Variants in PHF20L1 observed in about 807,000 individuals in gnomAD.
PHF20L1 encodes the protein PHD finger protein 20 like 1.
In PHF20L1, 44 loss-of-function variants were observed where a neutral mutation model predicts 125.5. The observed-to-expected ratio is 0.35, with a 90% CI of 0.28 to 0.45. The LOEUF is 0.45. PHF20L1 is among the 20% of genes least tolerant of loss of function. The pLI, the probability that PHF20L1 is intolerant of heterozygous loss-of-function variation, is 1.00. For synonymous variants in PHF20L1, 380 were observed against 403.1 expected (o/e 0.94, Z 0.69); for missense variants, 1,012 against 1,217.2 (o/e 0.83, Z 2.51).
chr8:132,835,800 C>T (rs940157949), intron 15 of PHF20L1, among the ~76,000 whole-genome samples: 3 of 152,020 alleles, frequency 2.0e-5, no homozygotes, highest in South Asian at 4.1e-4. Context: ...TCCATGGCTG[C>T]GTTTCTCAAG....
intron 8 of PHF20L1, chr8:132,810,559 G>A (rs1011022159): frequency 6.5e-6 from 1 of 154,822 alleles, no homozygotes; most frequent in African/African-American, 2.4e-5. Context: ...CACACATAAA[G>A]CTTAGATTAA....
chr8:132,838,849 A>G (rs1396673887), intron 17 of PHF20L1, among the ~76,000 whole-genome samples: 1 of 152,168 alleles, frequency 6.6e-6, no homozygotes, highest in Non-Finnish European at 1.5e-5. Context: ...GATTTAAACC[A>G]TGCCTTCAAC....
chr8:132,805,125 A>T (rs946712560), intron 8 of PHF20L1, among the ~76,000 whole-genome samples: 3 of 151,936 alleles, frequency 2.0e-5, no homozygotes, highest in African/African-American at 7.2e-5. Context: ...GACCAGTCTT[A>T]CTTAAGGATG....
intron 20 of PHF20L1, 25 bp from the exon 21 acceptor site, chr8:132,845,756 T>A: frequency 6.5e-7 from 1 of 1,549,518 alleles, no homozygotes; most frequent in Non-Finnish European, 8.9e-7. Flanking sequence ...CAGTTTAAAT[T>A]TGTTTATCTT....
rs1223954261 is a variant in PHF20L1, at chr8:132,817,624, T to C, written c.1579+79T>C. On this transcript the variant is annotated intron_variant, in intron 12 of 20. Transcript: ENST00000395386. The stretch of plus-strand genomic sequence containing the variant: ...GTTATTAGGTATAAACATTTTGAGG[T>C]TTAACTACATTATTTTGATTCCTAT... The C allele has an allele frequency of 1.7e-5, 15 of 883,510 alleles. No individual in the cohort carries two copies. In the Admixed American group the frequency reaches 3.2e-4, roughly 19 times the overall value. The allele number at this position is 883,510 out of a possible 1,614,324, so 54.7% of individuals were successfully genotyped here.
In PHF20L1 at chr8:132,844,282, A is replaced by G; in HGVS notation, c.2875A>G (p.Thr959Ala). 6.2e-7 allele frequency: 1 copy of G among 1,612,652 alleles called. No homozygotes were observed. ...THIENVQNEV[T>A]SRMDLIEKEV... ...CATAGAAAATGTGCAGAACGAAGTT[A>G]CCAGCAGGATGGACCTAATAGAAAA... Residue 959 changes from threonine (T) to alanine (A), a missense_variant, in exon 20 of 21, where the codon ACC (threonine) becomes GCC (alanine). Coordinates refer to ENST00000395386, the MANE Select transcript of PHF20L1 (RefSeq NM_016018.5).
In PHF20L1 at chr8:132,787,779, T is replaced by A. The variant is rs78426191; in HGVS notation, c.84-6631T>A. Among the ~76,000 whole-genome samples, 1,424 of 152,236 alleles carry A rather than the reference T, an allele frequency of 9.4e-3. 27 individuals are homozygous for A. Among genetic ancestry groups the A allele is most frequent in the African/African-American group, 0.032 (1,347 of 41,538 alleles). The stretch of plus-strand genomic sequence containing the variant: ...AAAACATTTTTGAAAACTATAAAGC[T>A]TAATGTAAATTTAAAGTGCTACCAG... On this transcript the variant is annotated intron_variant, in intron 2 of 20. Transcript: ENST00000395386.
intron 2 of PHF20L1, among the ~76,000 whole-genome samples, chr8:132,792,301 T>C (rs1831816738): frequency 6.6e-6 from 1 of 152,186 alleles, no homozygotes; most frequent in Admixed American, 6.5e-5. Context: ...TTTTTCTTAA[T>C]ACTATTGACA....
At chr8:132,830,507 C>CT (rs1423934918) in intron 14 of PHF20L1, among the ~76,000 whole-genome samples, 14 of 152,198 alleles carry the variant, frequency 9.2e-5, no homozygotes, top group African/African-American at 3.1e-4. Flanking sequence ...TATAAGCTCA[C>CT]TTTTCCACTC....
chr8:132,787,374 TTCTTC>T (rs1831173518), intron 2 of PHF20L1, among the ~76,000 whole-genome samples: 1 of 152,120 alleles, frequency 6.6e-6, no homozygotes, highest in South Asian at 2.1e-4. Flanking sequence ...GCTAATTCTG[TTCTTC>T]TCTTTGTTGT....
chr8:132,776,733 A>C (rs1323339749), intron 1 of PHF20L1, among the ~76,000 whole-genome samples: 1 of 152,246 alleles, frequency 6.6e-6, no homozygotes. Context: ...ATAAAAGATG[A>C]CAAGTGTGTG....
chr8:132,799,882 A>G (rs534500902), intron 6 of PHF20L1: 1 of 152,058 alleles, frequency 6.6e-6, no homozygotes, highest in East Asian at 1.9e-4. Context: ...GCAATTTAAA[A>G]TGAAAATGCT....
chr8:132,795,556 T>A (rs1281028121), intron 4 of PHF20L1, among the ~76,000 whole-genome samples: 2 of 152,142 alleles, frequency 1.3e-5, no homozygotes, highest in Non-Finnish European at 2.9e-5. Context: ...GAATATTTTA[T>A]TCAAATTTCT....
Position 132,775,390 on chromosome 8 carries a change from G to A in PHF20L1, c.-293G>A, listed in dbSNP as rs1311291159. 5.3e-6 allele frequency: 2 copies of A among 378,772 alleles called. No homozygotes were observed. The highest frequency in any genetic ancestry group is 1.3e-4 in the South Asian group (1 of 7,824). 23.5% of individuals were successfully genotyped at this position (378,772 alleles called of 1,614,324 possible). ...TCGCCGGGGCCCGGCGTCGCGTCAGGGCTGGCCGGCGGCGGAGGCGGCGGC... is the reference window on the plus strand; with the variant it reads ...TCGCCGGGGCCCGGCGTCGCGTCAGAGCTGGCCGGCGGCGGAGGCGGCGGC... On this transcript the variant is annotated 5_prime_UTR_variant, in exon 1 of 21. Coordinates refer to ENST00000395386, the MANE Select transcript of PHF20L1 (RefSeq NM_016018.5).
At chr8:132,836,140 C>T (rs931167521) in intron 15 of PHF20L1, among the ~76,000 whole-genome samples, 18 of 152,050 alleles carry the variant, frequency 1.2e-4, no homozygotes, top group African/African-American at 3.9e-4. Flanking sequence ...CCCAGGTCCA[C>T]GGACAGTGGT....
At position 132,782,516 on chromosome 8, in the gene PHF20L1, A is replaced by G. The variant is rs887918339; in HGVS notation, c.83+4605A>G. 4.3e-4 allele frequency among the ~76,000 whole-genome samples: 65 copies of G among 152,244 alleles called. 1 individual carries two copies. The highest frequency in any genetic ancestry group is 3.4e-3 in the Middle Eastern group (1 of 294). On this transcript the variant is annotated intron_variant, in intron 2 of 20. Transcript: ENST00000395386. ...GAGTTTTTAAAGGTAGCTTTAGTTG[A>G]CAGGAGAGTGGCTTGGAATCATAGA... is the stretch of plus-strand genomic sequence containing the variant.
rs1261412853 is a variant in PHF20L1, at chr8:132,817,368, A to G, written c.1402A>G (p.Lys468Glu). 1 of 1,612,450 alleles carries G rather than the reference A, an allele frequency of 6.2e-7. No individual in the cohort carries two copies. The highest frequency in any genetic ancestry group is 8.5e-7 in the Non-Finnish European group (1 of 1,179,060). The change falls in exon 12 of 21, where the codon AAG becomes GAG. Residue 468 changes from lysine (K) to glutamate (E), a missense_variant. Lys to Glu is a moderately conservative substitution (Grantham distance 56). Coordinates refer to ENST00000395386, the MANE Select transcript of PHF20L1 (RefSeq NM_016018.5). ...TGATGTTGCACATTTGCCACTTGAGAAGCTGGGACCCTGTCTCCCTCTTGA... is the reference window on the plus strand; with the variant it reads ...TGATGTTGCACATTTGCCACTTGAGGAGCTGGGACCCTGTCTCCCTCTTGA... ...VPDVAHLPLE[K>E]LGPCLPLDLS...
chr8:132,823,911 C>T (rs1835869911), intron 12 of PHF20L1, 93 bp from the exon 13 acceptor site: 2 of 695,002 alleles, frequency 2.9e-6, no homozygotes, highest in South Asian at 4.0e-5. Context: ...AAGAGTCTTA[C>T]ATAGAGTTTT....
chr8:132,783,465 A>G (rs1830664279), intron 2 of PHF20L1, among the ~76,000 whole-genome samples: 2 of 152,128 alleles, frequency 1.3e-5, no homozygotes, highest in African/African-American at 4.8e-5. Flanking sequence ...AAAATTATAC[A>G]TTTTCTGAAT....
Sources: gnomAD v4.1 joint callset for allele counts (sites outside exome capture counted in the v4.1 genomes callset) on GRCh38, gnomAD v4.1.1 for gene constraint, MANE v1.5 for transcripts, NCBI Gene and HGNC (gene_info 2026-07-23, HGNC 2026-07-21) for gene names.